The following BACH2 variants were observed in gnomAD, a reference collection of about 807,000 sequenced individuals.
BACH2 encodes the protein BACH transcriptional regulator 2.
Under a neutral mutation model 61.8 loss-of-function variants are expected in BACH2, and 5 were observed. The ratio of observed to expected loss-of-function variants is 0.08; its 90% CI spans 0.04 to 0.17. The LOEUF is 0.17. Among genes scored for constraint, BACH2 ranks in the 10% least tolerant of loss-of-function variants. The pLI is 1.00. For missense variants in BACH2, 824 were observed against 1,091.1 expected (o/e 0.76, Z 3.45); for synonymous variants, 446 against 440.1 (o/e 1.01, Z -0.17).
chr6:90,050,722 G>A (rs897528661), intron 5 of BACH2, among the ~76,000 whole-genome samples: 3 of 151,222 alleles, frequency 2.0e-5, no homozygotes, highest in Admixed American at 6.6e-5. Flanking sequence ...TTTCTAATAA[G>A]GTAAATATAG....
At chr6:90,116,006 T>A (rs1783382876) in intron 4 of BACH2, among the ~76,000 whole-genome samples, 1 of 152,034 alleles carries the variant, frequency 6.6e-6, no homozygotes, top group Middle Eastern at 3.4e-3. Flanking sequence ...AAAAAGTCAA[T>A]AACATTCTGG....
chr6:90,112,039 T>G (rs913355258), intron 4 of BACH2, among the ~76,000 whole-genome samples: 1 of 152,232 alleles, frequency 6.6e-6, no homozygotes, highest in Admixed American at 6.5e-5. Flanking sequence ...AGTACATACT[T>G]TGCCATGTCA....
chr6:90,139,038 T>C (rs1307339364), intron 4 of BACH2, among the ~76,000 whole-genome samples: 2 of 152,116 alleles, frequency 1.3e-5, no homozygotes, highest in Non-Finnish European at 2.9e-5. Context: ...ACATGCACTT[T>C]AGCAAGAAGA....
intron 2 of BACH2, among the ~76,000 whole-genome samples, chr6:90,262,745 A>G (rs970690452): frequency 2.0e-5 from 3 of 152,200 alleles, no homozygotes; most frequent in African/African-American, 7.2e-5. Flanking sequence ...GCATTAAAGG[A>G]GAAAGATTCA....
At chr6:90,204,369 G>C (rs1769067832) in intron 4 of BACH2, among the ~76,000 whole-genome samples, 1 of 152,162 alleles carries the variant, frequency 6.6e-6, no homozygotes, top group Non-Finnish European at 1.5e-5. Flanking sequence ...TATTCATGCT[G>C]AGAAGAGCTG....
intron 4 of BACH2, among the ~76,000 whole-genome samples, chr6:90,163,967 G>A (rs1048487512): frequency 6.6e-6 from 1 of 152,144 alleles, no homozygotes; most frequent in African/African-American, 2.4e-5. Context: ...AAGCAGGAAA[G>A]ATCTAAAATT....
chr6:90,236,751 A>C (rs959055984), intron 3 of BACH2, among the ~76,000 whole-genome samples: 1 of 152,200 alleles, frequency 6.6e-6, no homozygotes, highest in Non-Finnish European at 1.5e-5. Flanking sequence ...ACCTGATTCC[A>C]TGAAGCTATC....
intron 3 of BACH2, among the ~76,000 whole-genome samples, chr6:90,222,438 T>C (rs116293914): frequency 7.4e-4 from 113 of 152,292 alleles, no homozygotes; most frequent in African/African-American, 2.6e-3. Flanking sequence ...CAGAAGATAC[T>C]TGTAAAAGGA....
rs139627462 is a variant in BACH2 at position 89,932,603 on chromosome 6, G to A, written c.2331C>T (p.Pro777=). The A allele has an allele frequency of 4.6e-5, 75 of 1,613,732 alleles. 1 individual carries two copies. Among genetic ancestry groups the A allele is most frequent in the South Asian group, 5.5e-5 (5 of 91,070 alleles). ...PCCLEPGAAP[P]GPPWAPSNTS... ...TGTTGCTGGGTGCCCAGGGGGGTCC[G>A]GGGGGAGCCGCGCCTGGCTCCAAGC... The change falls in exon 9 of 9, where the codon CCC becomes CCT. Residue 777 remains proline, a synonymous_variant. Transcript: ENST00000257749.
At chr6:89,966,655 G>A (rs2128360183) in intron 6 of BACH2, among the ~76,000 whole-genome samples, 1 of 152,324 alleles carries the variant, frequency 6.6e-6, no homozygotes, top group African/African-American at 2.4e-5. Flanking sequence ...TGTCAAGGGA[G>A]GAAATGAAAC....
At chr6:90,012,823 G>A (rs1370688831) in intron 5 of BACH2, among the ~76,000 whole-genome samples, 5 of 151,744 alleles carry the variant, frequency 3.3e-5, no homozygotes, top group Non-Finnish European at 4.4e-5. Context: ...ATGTGCCACC[G>A]TGCTTGGTCA....
chr6:90,030,582 G>A (rs529084684), intron 5 of BACH2, among the ~76,000 whole-genome samples: 12 of 152,196 alleles, frequency 7.9e-5, no homozygotes, highest in South Asian at 6.2e-4. Context: ...ACACCTCTAC[G>A]CAAATAAACT....
intron 3 of BACH2, among the ~76,000 whole-genome samples, chr6:90,218,920 C>T (rs1158202797): frequency 2.8e-5 from 4 of 140,400 alleles, no homozygotes; most frequent in African/African-American, 8.0e-5. Context: ...GTTTCCTTTC[C>T]GTGTGTGTGT....
intron 5 of BACH2, among the ~76,000 whole-genome samples, chr6:90,070,969 T>C (rs542816773): frequency 6.6e-6 from 1 of 152,304 alleles, no homozygotes; most frequent in Admixed American, 6.5e-5. Flanking sequence ...GTTTTCCTTT[T>C]CTTTCCTTTG....
At chr6:89,941,537 G>A (rs1043481303) in intron 7 of BACH2, among the ~76,000 whole-genome samples, 5 of 152,204 alleles carry the variant, frequency 3.3e-5, no homozygotes, top group East Asian at 1.9e-4. Flanking sequence ...TTATGGGCTC[G>A]GGAAAGGCCT....
At chr6:90,095,548 G>GTTCCCAA (rs1782346547) in intron 4 of BACH2, among the ~76,000 whole-genome samples, 1 of 152,124 alleles carries the variant, frequency 6.6e-6, no homozygotes, top group Non-Finnish European at 1.5e-5. Context: ...AGGTGTTTAA[G>GTTCCCAA]TTCCCAAATA....
chr6:90,199,736 C>T (rs1026952077), intron 4 of BACH2, among the ~76,000 whole-genome samples: 1 of 152,132 alleles, frequency 6.6e-6, no homozygotes, highest in Non-Finnish European at 1.5e-5. Context: ...CTACAGTGGC[C>T]TGGTGCCAGC....
chr6:90,294,374 G>A (rs1772271171), intron 1 of BACH2, among the ~76,000 whole-genome samples: 1 of 152,050 alleles, frequency 6.6e-6, no homozygotes, highest in African/African-American at 2.4e-5. Context: ...CTGGGACTTC[G>A]CTCTATTTCA....
chr6:90,219,064 TA>T (rs1487242229), intron 3 of BACH2, among the ~76,000 whole-genome samples: 1 of 151,552 alleles, frequency 6.6e-6, no homozygotes, highest in Non-Finnish European at 1.5e-5. Context: ...TGAAGGCTTG[TA>T]AAAAAAAGAA....
Sources: allele counts gnomAD v4.1 joint callset (sites outside exome capture counted in the v4.1 genomes callset), GRCh38; gene constraint gnomAD v4.1.1; transcripts MANE v1.5; gene names NCBI Gene and HGNC (gene_info 2026-07-23, HGNC 2026-07-21).